Variants in HCN1 observed in about 807,000 individuals in gnomAD.
HCN1 encodes potassium/sodium hyperpolarization-activated cyclic nucleotide-gated channel 1.
Under a neutral mutation model 78.9 loss-of-function variants are expected in HCN1, and 13 were observed. The ratio of observed to expected loss-of-function variants is 0.16; its 90% CI spans 0.11 to 0.26. The LOEUF (loss-of-function observed/expected upper bound fraction) is 0.26. Among genes scored for constraint, HCN1 ranks in the 10% least tolerant of loss-of-function variants. The pLI, the probability that HCN1 is intolerant of heterozygous loss-of-function variation, is 1.00. For missense variants in HCN1, 810 were observed against 1,154.3 expected (o/e 0.70, Z 4.32); for synonymous variants, 552 against 455.5 (o/e 1.21, Z -2.70).
chr5:45,669,651 A>C lies in HCN1; in HGVS notation c.426-24043T>G, dbSNP rs557848050. On this transcript the variant is annotated intron_variant, in intron 1 of 7. Transcript: ENST00000303230. Reference sequence around the variant, plus strand: ...TGTTCCAACAGGAAGATGGAGCAGCAAATGAGACTGATTTGAAAATTTCTC... The same window carrying C: ...TGTTCCAACAGGAAGATGGAGCAGCCAATGAGACTGATTTGAAAATTTCTC... Among the ~76,000 whole-genome samples the C allele has an allele frequency of 5.6e-4, 85 of 151,966 alleles. 1 individual carries two copies. Among genetic ancestry groups the C allele is most frequent in the African/African-American group, 2.0e-3 (83 of 41,542 alleles).
chr5:45,358,509 T>G (rs1181660475), intron 4 of HCN1, among the ~76,000 whole-genome samples: 1 of 152,092 alleles, frequency 6.6e-6, no homozygotes, highest in East Asian at 1.9e-4. Context: ...CTCTCTCTCC[T>G]TCAACTCATG....
chr5:45,436,226 A>T (rs1740558204), intron 3 of HCN1, among the ~76,000 whole-genome samples: 1 of 152,160 alleles, frequency 6.6e-6, no homozygotes, highest in Non-Finnish European at 1.5e-5. Context: ...TTGGCAGAAG[A>T]TTACTCAGAG....
At chr5:45,347,211 A>T (rs1052286736) in intron 5 of HCN1, among the ~76,000 whole-genome samples, 4 of 152,206 alleles carry the variant, frequency 2.6e-5, no homozygotes, top group Non-Finnish European at 4.4e-5. Context: ...TGGTTCACGA[A>T]AATCTGCTGT....
At chr5:45,265,926 G>A (rs1579765526) in intron 7 of HCN1, among the ~76,000 whole-genome samples, 2 of 152,266 alleles carry the variant, frequency 1.3e-5, no homozygotes, top group South Asian at 4.2e-4. Flanking sequence ...CAAGGAACTG[G>A]GCTTAGTAGG....
At chr5:45,460,684 T>G (rs923941071) in intron 3 of HCN1, among the ~76,000 whole-genome samples, 1 of 150,718 alleles carries the variant, frequency 6.6e-6, no homozygotes, top group Admixed American at 6.6e-5. Context: ...CAAATATCAA[T>G]GAAAGCATAG....
At chr5:45,689,937 G>A (rs1232753615) in intron 1 of HCN1, among the ~76,000 whole-genome samples, 1 of 152,040 alleles carries the variant, frequency 6.6e-6, no homozygotes, top group Non-Finnish European at 1.5e-5. Context: ...TACGTTATTC[G>A]TGTCATTTTA....
At chr5:45,593,368 A>C (rs867166191) in intron 2 of HCN1, among the ~76,000 whole-genome samples, 5 of 148,718 alleles carry the variant, frequency 3.4e-5, no homozygotes, top group Admixed American at 2.0e-4. Flanking sequence ...ACACACACAC[A>C]CACCCCACAT....
intron 6 of HCN1, among the ~76,000 whole-genome samples, chr5:45,282,171 T>C (rs985548267): frequency 2.0e-5 from 3 of 152,200 alleles, no homozygotes; most frequent in Non-Finnish European, 4.4e-5. Flanking sequence ...CAATATTTCT[T>C]TAGAACACCA....
In HCN1 at chr5:45,255,700, A is replaced by C. The variant is rs1229401893; in HGVS notation, c.*6221T>G. The C allele has an allele frequency of 6.6e-6, 1 of 152,248 alleles. No individual in the cohort carries two copies. Among genetic ancestry groups the C allele is most frequent in the Non-Finnish European group, 1.5e-5 (1 of 68,042 alleles). 9.4% of individuals were successfully genotyped at this position (152,248 alleles called of 1,614,324 possible). ...GAGAAAGAAATGAGAATACATTTGGAAAACTCTTTTTGAATCTTTCAAATT... is the reference window on the plus strand; with the variant it reads ...GAGAAAGAAATGAGAATACATTTGGCAAACTCTTTTTGAATCTTTCAAATT... On this transcript the variant is annotated 3_prime_UTR_variant, in exon 8 of 8. Transcript: ENST00000303230.
chr5:45,287,549 T>C lies in HCN1; in HGVS notation c.1618+16050A>G, dbSNP rs528800228. On this transcript the variant is annotated intron_variant, in intron 6 of 7. Transcript: ENST00000303230. ...CATTAAGAACTAGTTGTTTGAAGAG[T>C]TTGGATTTTACTAAATCCTAGAGTA... Among the ~76,000 whole-genome samples the C allele has an allele frequency of 2.9e-4, 44 of 152,140 alleles. 1 individual carries two copies. Among genetic ancestry groups the C allele is most frequent in the African/African-American group, 1.0e-3 (43 of 41,514 alleles).
chr5:45,501,073 G>A (rs927379525), intron 2 of HCN1, among the ~76,000 whole-genome samples: 4 of 152,096 alleles, frequency 2.6e-5, no homozygotes, highest in Admixed American at 6.5e-5. Context: ...ATTATACAAG[G>A]TTTGATAAGC....
At chr5:45,522,906 G>A (rs1742644326) in intron 2 of HCN1, among the ~76,000 whole-genome samples, 1 of 151,560 alleles carries the variant, frequency 6.6e-6, no homozygotes, top group South Asian at 2.1e-4. Flanking sequence ...TGTGCACAAT[G>A]TGCAGGTTAG....
Position 45,696,105 on chromosome 5 carries a change from G to A in HCN1, c.-12C>T. The A allele has an allele frequency of 7.5e-7, 1 of 1,329,390 alleles. No homozygotes were observed. Among genetic ancestry groups the A allele is most frequent in the Non-Finnish European group, 9.7e-7 (1 of 1,027,888 alleles). 82.3% of individuals were successfully genotyped at this position (1,329,390 alleles called of 1,614,324 possible). A position where few individuals can be genotyped will look rare whatever the true frequency, so the allele number is the denominator to read the frequency against. ...CCGCCTCCTTCCATGCCCGGAGGAC[G>A]CGGCCGGCGACGGCGCGGGCTCCAG... On this transcript the variant is annotated 5_prime_UTR_variant, in exon 1 of 8. Coordinates refer to ENST00000303230, the MANE Select transcript of HCN1 (RefSeq NM_021072.4).
At chr5:45,555,785 C>T (rs1387636301) in intron 2 of HCN1, among the ~76,000 whole-genome samples, 1 of 151,472 alleles carries the variant, frequency 6.6e-6, no homozygotes, top group Non-Finnish European at 1.5e-5. Flanking sequence ...CTGGAGGAGT[C>T]ATATTACCTG....
chr5:45,492,526 T>TG lies in HCN1; in HGVS notation c.850-30520_850-30519insC, dbSNP rs959832176. Among the ~76,000 whole-genome samples, 40 of 144,374 alleles carry TG rather than the reference T, an allele frequency of 2.8e-4. 1 individual carries two copies. Among genetic ancestry groups the TG allele is most frequent in the African/African-American group, 7.6e-4 (30 of 39,590 alleles). The allele number at this position is 144,374 out of a possible 152,430, so 94.7% of individuals were successfully genotyped here. ...ACCAGCAACAGTTTTTTTGTTTTTT[T>TG]TTTTTTTTTTTGAGACAAGAGCCTT... On this transcript the variant is annotated intron_variant, in intron 2 of 7. Transcript: ENST00000303230.
At chr5:45,307,743 G>T (rs750984548) in intron 5 of HCN1, among the ~76,000 whole-genome samples, 1 of 152,062 alleles carries the variant, frequency 6.6e-6, no homozygotes, top group African/African-American at 2.4e-5. Context: ...TCCTGGATGG[G>T]ATCCTAGGAT....
At chr5:45,503,234 T>C (rs1299681937) in intron 2 of HCN1, among the ~76,000 whole-genome samples, 2 of 152,160 alleles carry the variant, frequency 1.3e-5, no homozygotes, top group African/African-American at 4.8e-5. Flanking sequence ...ACACCACCTA[T>C]GATATAGTCT....
intron 5 of HCN1, among the ~76,000 whole-genome samples, chr5:45,328,591 G>A (rs1429342186): frequency 6.6e-6 from 1 of 151,574 alleles, no homozygotes; most frequent in Non-Finnish European, 1.5e-5. Flanking sequence ...ACTATGAAGT[G>A]ACTCAAGCAT....
chr5:45,504,187 G>A (rs933635349), intron 2 of HCN1, among the ~76,000 whole-genome samples: 3 of 152,020 alleles, frequency 2.0e-5, no homozygotes, highest in African/African-American at 7.2e-5. Context: ...TGCCATGTTG[G>A]TGTGCTGCAT....
Sources: gnomAD v4.1 joint callset for allele counts (sites outside exome capture counted in the v4.1 genomes callset) on GRCh38, gnomAD v4.1.1 for gene constraint, MANE v1.5 for transcripts, NCBI Gene and HGNC (gene_info 2026-07-23, HGNC 2026-07-21) for gene names.